TUB: variants seen among roughly 807,000 people sequenced by gnomAD.
The protein encoded by TUB is TUB bipartite transcription factor.
A neutral mutation model predicts 59.7 loss-of-function variants in TUB; 33 were observed. The ratio of observed to expected loss-of-function variants is 0.55; its 90% confidence interval spans 0.42 to 0.74. The LOEUF is 0.74. TUB is among the 30% of genes least tolerant of loss of function. TUB has a pLI of 0.00. For synonymous variants in TUB, 293 were observed against 256.4 expected (o/e 1.14, Z -1.36); for missense variants, 659 against 672.0 (o/e 0.98, Z 0.21).
In TUB at chr11:8,028,395, A is replaced by T. The variant is rs531689080; in HGVS notation, c.56+9037A>T. 2.6e-5 allele frequency among the ~76,000 whole-genome samples: 4 copies of T among 152,284 alleles called. No individual in the cohort carries two copies. The South Asian group carries it at 8.3e-4, about 32-fold the overall frequency. On this transcript the variant is annotated intron_variant, in intron 1 of 11. Transcript: ENST00000534099. ...TGTTTTTCCCCATTGTTGTCTTCTC[A>T]CTTTCTTGATAAGGTCCTTTGAAGC...
intron 1 of TUB, among the ~76,000 whole-genome samples, chr11:8,088,559 C>T (rs544036139): frequency 1.3e-5 from 2 of 152,374 alleles, no homozygotes; most frequent in East Asian, 3.9e-4. Context: ...TGCACTCGGG[C>T]ACGCCTGTGC....
chr11:8,067,454 G>C (rs1271878876), intron 2 of TUB: 1 of 152,158 alleles, frequency 6.6e-6, no homozygotes, highest in Non-Finnish European at 1.5e-5. Flanking sequence ...GACCCTATAT[G>C]CTGTTAGCAT....
At position 8,104,049 on chromosome 11, in the gene TUB, C is replaced by T. The variant is rs1318449419; in HGVS notation, c.*2430C>T. The stretch of plus-strand genomic sequence containing the variant: ...TGACAAGCATCAGTAGCTGAGTGCA[C>T]TCCTGGTGATCCTGGTTTTCCTTGA... On this transcript the variant is annotated 3_prime_UTR_variant, in exon 12 of 12. Transcript: ENST00000299506. 1 of 152,268 alleles carries T rather than the reference C, an allele frequency of 6.6e-6. No homozygotes were observed. The highest frequency in any genetic ancestry group is 1.9e-4 in the East Asian group (1 of 5,192). 9.4% of individuals were successfully genotyped at this position (152,268 alleles called of 1,614,324 possible).
intron 2 of TUB, among the ~76,000 whole-genome samples, chr11:8,048,573 T>A (rs1942876468): frequency 6.6e-6 from 1 of 152,086 alleles, no homozygotes; most frequent in African/African-American, 2.4e-5. Context: ...AGCTAAATCT[T>A]TGTTTTCTTT....
intron 2 of TUB, among the ~76,000 whole-genome samples, chr11:8,042,827 T>C (rs1193705471): frequency 6.6e-6 from 1 of 152,196 alleles, no homozygotes; most frequent in East Asian, 1.9e-4. Flanking sequence ...CTTTATATAT[T>C]CTAGGTAAAA....
Position 8,101,645 on chromosome 11 carries a change from G to T in TUB, c.*26G>T. On this transcript the variant is annotated 3_prime_UTR_variant, in exon 12 of 12. Coordinates refer to ENST00000299506, the MANE Select transcript of TUB (RefSeq NM_177972.3). ...AGGCCTCTTCGTGCCCTTTGGGGTT[G>T]CCCAGCCTGGAGCGGAGCTTGCCTG... is the stretch of plus-strand genomic sequence containing the variant. The T allele has an allele frequency of 6.2e-7, 1 of 1,612,714 alleles. No individual in the cohort carries two copies. The highest frequency in any genetic ancestry group is 8.5e-7 in the Non-Finnish European group (1 of 1,179,418).
intron 5 of TUB, among the ~76,000 whole-genome samples, chr11:8,096,080 G>A (rs1188345922): frequency 1.3e-5 from 2 of 152,208 alleles, no homozygotes; most frequent in African/African-American, 4.8e-5. Context: ...GCCACACATT[G>A]TGAGGAATCT....
chr11:8,045,299 C>T (rs948455236), intron 2 of TUB, among the ~76,000 whole-genome samples: 1 of 152,094 alleles, frequency 6.6e-6, no homozygotes, highest in African/African-American at 2.4e-5. Flanking sequence ...GTTTTAGAAG[C>T]TCTGTGTCAA....
chr11:8,063,563 G>A (rs1165434596), intron 2 of TUB, among the ~76,000 whole-genome samples: 2 of 152,164 alleles, frequency 1.3e-5, no homozygotes, highest in African/African-American at 2.4e-5. Context: ...TAAAGCATCC[G>A]GGAGTGTTCA....
chr11:8,080,399 T>TCCTAGTCA (rs145856137), upstream of TUB, among the ~76,000 whole-genome samples: 6,399 of 152,202 alleles, frequency 0.042, 424 homozygotes, highest in African/African-American at 0.14. Context: ...TTCAAGCTGG[T>TCCTAGTCA]CCTAGTCACA....
At chr11:8,031,106 TGTGTGCACAGGG>T (rs530237399) in intron 1 of TUB, among the ~76,000 whole-genome samples, 4 of 152,176 alleles carry the variant, frequency 2.6e-5, no homozygotes, top group African/African-American at 9.6e-5. Context: ...CTGGGTGGGG[TGTGTGCACAGGG>T]GTGTGCCTGC....
At position 8,104,873 on chromosome 11, in the gene TUB, T is replaced by C. The variant is rs746115251; in HGVS notation, c.*3254T>C. 1.3e-5 allele frequency: 2 copies of C among 151,640 alleles called. No homozygotes were observed. The highest frequency in any genetic ancestry group is 2.9e-5 in the Non-Finnish European group (2 of 67,966). The allele number at this position is 151,640 out of a possible 1,614,324, so 9.4% of individuals were successfully genotyped here. On this transcript the variant is annotated 3_prime_UTR_variant, in exon 12 of 12. Coordinates refer to ENST00000299506, the MANE Select transcript of TUB (RefSeq NM_177972.3). ...ATAATCAGAAGCTATAAGAGAACTT[T>C]CGGAGCCTGCCTCCTTCAGTGACAA...
chr11:8,052,889 T>C (rs1942955466), intron 2 of TUB, among the ~76,000 whole-genome samples: 1 of 152,246 alleles, frequency 6.6e-6, no homozygotes. Context: ...TTAATTCTAA[T>C]AGTTTTTCAG....
In TUB at chr11:8,090,052, C is replaced by A. The variant is rs576876386; in HGVS notation, c.91-17C>A. 6.3e-6 allele frequency: 10 copies of A among 1,582,664 alleles called. No homozygotes were observed. In the South Asian group the frequency reaches 1.1e-4, roughly 18 times the overall value. On this transcript the variant is annotated splice_polypyrimidine_tract_variant and intron_variant, in intron 2 of 11. Transcript: ENST00000299506. ...CTGGTGGAGGCAGTGGGTCAGCCAA[C>A]CTCTGTGCCTCCATAGCGGGCCCTG...
chr11:8,100,941 A>G lies in TUB; in HGVS notation c.1331A>G (p.His444Arg). The change falls in exon 11 of 12, where the codon CAT (histidine) becomes CGT (arginine). Residue 444 changes from histidine to arginine, a missense_variant. His to Arg is a conservative substitution (Grantham distance 29, BLOSUM62 0). Transcript: ENST00000299506. ...DDTQSYVLNF[H>R]GRVTQASVKN... ...ACACAGTCCTATGTACTCAACTTCC[A>G]TGGGCGCGTCACACAGGCCTCCGTG... is the stretch of plus-strand genomic sequence containing the variant. 6.2e-7 allele frequency: 1 copy of G among 1,614,164 alleles called. No individual in the cohort carries two copies. The highest frequency in any genetic ancestry group is 2.2e-5 in the East Asian group (1 of 44,874).
chr11:8,075,330 G>T (rs973074271), intron 2 of TUB, among the ~76,000 whole-genome samples: 3 of 152,164 alleles, frequency 2.0e-5, no homozygotes, highest in Non-Finnish European at 4.4e-5. Context: ...AGTTCTCTGG[G>T]CTCTACAATG....
At chr11:8,045,350 G>T (rs994030800) in intron 2 of TUB, among the ~76,000 whole-genome samples, 3 of 152,188 alleles carry the variant, frequency 2.0e-5, no homozygotes, top group Non-Finnish European at 4.4e-5. Flanking sequence ...CTTCTTGTGT[G>T]CACTGGTGAT....
At chr11:8,070,651 T>C (rs1589949127) in intron 2 of TUB, among the ~76,000 whole-genome samples, 4 of 152,300 alleles carry the variant, frequency 2.6e-5, no homozygotes, top group African/African-American at 7.2e-5. Context: ...ATACAAGTAG[T>C]TGGGCCCTCC....
At chr11:8,096,295 C>T (rs1262563241) in intron 5 of TUB, among the ~76,000 whole-genome samples, 1 of 152,170 alleles carries the variant, frequency 6.6e-6, no homozygotes. Context: ...GCCAAGGCCT[C>T]TAATAGGCCT....
Sources: gnomAD v4.1 joint callset for allele counts (sites outside exome capture counted in the v4.1 genomes callset) on GRCh38, gnomAD v4.1.1 for gene constraint, MANE v1.5 for transcripts, NCBI Gene and HGNC (gene_info 2026-07-23, HGNC 2026-07-21) for gene names.